The following MTMR7 variants were observed in gnomAD, a reference collection of about 807,000 sequenced individuals.
The protein encoded by MTMR7 is phosphatidylinositol-3-phosphate phosphatase MTMR7.
Under a neutral mutation model 81.2 loss-of-function variants are expected in MTMR7, and 76 were observed. That is an observed-to-expected ratio of 0.94 (90% CI 0.78 to 1.13). The LOEUF (loss-of-function observed/expected upper bound fraction) is 1.13. Ranked by LOEUF, MTMR7 falls within the 50% of genes most tolerant of loss-of-function variation. The pLI is 0.00. For missense variants in MTMR7, 1,044 were observed against 820.0 expected, an observed-to-expected ratio of 1.27 and a Z score of -3.34; for synonymous variants, 372 against 289.8, an observed-to-expected ratio of 1.28 and a Z score of -2.88.
At chr8:17,300,402 C>G in intron 13 of MTMR7, 178 bp from the exon 14 acceptor site, 2 of 632,710 alleles carry the variant, frequency 3.2e-6, no homozygotes, top group Non-Finnish European at 5.4e-6. Context: ...GTGAGGCCTG[C>G]TTTATCTCTA....
At chr8:17,328,683 G>GCA (rs1232186890) in intron 7 of MTMR7, among the ~76,000 whole-genome samples, 5 of 152,006 alleles carry the variant, frequency 3.3e-5, no homozygotes, top group African/African-American at 1.2e-4. Context: ...GTTCACTTAT[G>GCA]TACATCCTGC....
intron 7 of MTMR7, among the ~76,000 whole-genome samples, chr8:17,318,961 C>G (rs762951354): frequency 6.6e-6 from 1 of 152,260 alleles, no homozygotes; most frequent in African/African-American, 2.4e-5. Flanking sequence ...TCCTGCTTCC[C>G]TGATCGAACT....
At chr8:17,301,546 G>A (rs1391360195) in intron 13 of MTMR7, 1 of 152,214 alleles carries the variant, frequency 6.6e-6, no homozygotes, top group Non-Finnish European at 1.5e-5. Flanking sequence ...AAGGAATTTT[G>A]ACTTTGTAAT....
intron 7 of MTMR7, among the ~76,000 whole-genome samples, chr8:17,315,029 C>T (rs1817988261): frequency 7.9e-6 from 1 of 127,318 alleles, no homozygotes; most frequent in Non-Finnish European, 1.5e-5. Context: ...TATATTAGCC[C>T]TGTGGCCCTT....
intron 1 of MTMR7, among the ~76,000 whole-genome samples, chr8:17,403,026 C>T (rs1821474054): frequency 6.6e-6 from 1 of 152,072 alleles, no homozygotes; most frequent in Non-Finnish European, 1.5e-5. Context: ...CATATACCTG[C>T]CTGCCATTTG....
chr8:17,314,090 A>G (rs2285275), intron 7 of MTMR7, among the ~76,000 whole-genome samples: 29,717 of 152,070 alleles, frequency 0.2, 3,704 homozygotes, highest in East Asian at 0.34. Flanking sequence ...CACCTCTATA[A>G]TATTATAAAC....
At chr8:17,325,785 C>A (rs561317059) in intron 7 of MTMR7, among the ~76,000 whole-genome samples, 157 of 152,288 alleles carry the variant, frequency 1.0e-3, no homozygotes, top group Middle Eastern at 3.4e-3. Flanking sequence ...TGTGCTCTTA[C>A]TTCATGTCTT....
intron 1 of MTMR7, among the ~76,000 whole-genome samples, chr8:17,388,944 G>A (rs1275278418): frequency 6.6e-6 from 1 of 152,150 alleles, no homozygotes; most frequent in Non-Finnish European, 1.5e-5. Context: ...TTACAGTCCG[G>A]CCCTAAAGTG....
At position 17,403,589 on chromosome 8, in the gene MTMR7, A is replaced by AT. The variant is rs528637916; in HGVS notation, c.24+9679dup. ...TTTGTTACTCTATGTAACTTTTATG[A>AT]TTTTTTCTATTTCTGTCAAGAATGG... On this transcript the variant is annotated intron_variant, in intron 1 of 13. Coordinates refer to ENST00000180173, the MANE Select transcript of MTMR7 (RefSeq NM_004686.5). Among the ~76,000 whole-genome samples the AT allele has an allele frequency of 1.1e-4, 16 of 152,026 alleles. No individual in the cohort carries two copies. In the East Asian group the frequency reaches 1.4e-3, roughly 13 times the overall value.
chr8:17,333,018 T>C (rs541094825), intron 6 of MTMR7, among the ~76,000 whole-genome samples: 22 of 151,910 alleles, frequency 1.4e-4, no homozygotes, highest in African/African-American at 4.8e-4. Flanking sequence ...ATAATAGAAA[T>C]AAAGTATATT....
chr8:17,304,487 T>C lies in MTMR7; in HGVS notation c.1385A>G (p.His462Arg), dbSNP rs2150468238. 1 of 1,613,986 alleles carries C rather than the reference T, an allele frequency of 6.2e-7. No homozygotes were observed. The highest frequency in any genetic ancestry group is 8.5e-7 in the Non-Finnish European group (1 of 1,179,916). Reference sequence around the variant, plus strand: ...GTAGTCGGCCCGATTCTTCCACAGGTGAGCCCATAATGAGTATGTTCTTTC... The same window carrying C: ...GTAGTCGGCCCGATTCTTCCACAGGCGAGCCCATAATGAGTATGTTCTTTC... ...IQERTYSLWA[H>R]LWKNRADYLN... The change falls in exon 12 of 14, where the codon CAC becomes CGC. Residue 462 changes from histidine (H) to arginine (R), a missense_variant. Physicochemically the swap from His to Arg is conservative, Grantham distance 29 (BLOSUM62 0). Transcript: ENST00000180173.
At chr8:17,406,655 G>C (rs147814167) in intron 1 of MTMR7, among the ~76,000 whole-genome samples, 4 of 152,118 alleles carry the variant, frequency 2.6e-5, no homozygotes, top group Non-Finnish European at 4.4e-5. Flanking sequence ...TTCTATCCAA[G>C]AGAAATACAA....
intron 7 of MTMR7, among the ~76,000 whole-genome samples, chr8:17,328,267 G>T (rs1042734759): frequency 4.6e-5 from 7 of 152,098 alleles, no homozygotes; most frequent in African/African-American, 1.7e-4. Context: ...AACAAGTGGA[G>T]AGATGCAAGT....
intron 1 of MTMR7, among the ~76,000 whole-genome samples, chr8:17,385,057 T>C (rs1820887828): frequency 6.6e-6 from 1 of 152,216 alleles, no homozygotes; most frequent in Non-Finnish European, 1.5e-5. Context: ...ATGCAAAGAA[T>C]CCTATTCTCA....
chr8:17,396,796 C>T (rs568451915), intron 1 of MTMR7, among the ~76,000 whole-genome samples: 10 of 151,902 alleles, frequency 6.6e-5, no homozygotes, highest in Non-Finnish European at 1.2e-4. Flanking sequence ...CCAGGCAGTG[C>T]CTCTGGAAGT....
intron 4 of MTMR7, among the ~76,000 whole-genome samples, chr8:17,360,913 G>C (rs982548950): frequency 2.6e-5 from 4 of 152,098 alleles, no homozygotes; most frequent in Admixed American, 2.0e-4. Context: ...GTCTGGAAGG[G>C]GTGATCTGTA....
chr8:17,302,866 C>A (rs1280730198), intron 12 of MTMR7, among the ~76,000 whole-genome samples: 1 of 151,850 alleles, frequency 6.6e-6, no homozygotes, highest in Non-Finnish European at 1.5e-5. Flanking sequence ...GCATGCACCA[C>A]CATGCCTAAT....
Position 17,309,141 on chromosome 8 carries a change from A to T in MTMR7, c.1151+136T>A, listed in dbSNP as rs1817649839. 1.3e-5 allele frequency: 8 copies of T among 634,826 alleles called. 1 individual carries two copies. Among genetic ancestry groups the T allele is most frequent in the Non-Finnish European group, 2.2e-5 (8 of 356,122 alleles). The allele number at this position is 634,826 out of a possible 1,614,324, so 39.3% of individuals were successfully genotyped here. A position where few individuals can be genotyped will look rare whatever the true frequency, so the allele number is the denominator to read the frequency against. ...TTCATTTATCTATGATATGACATAT[A>T]CAACAAAATTTAAGCTTTCTGAATA... On this transcript the variant is annotated intron_variant, in intron 10 of 13. Coordinates refer to ENST00000180173, the MANE Select transcript of MTMR7 (RefSeq NM_004686.5).
intron 7 of MTMR7, among the ~76,000 whole-genome samples, chr8:17,330,411 G>A (rs991047164): frequency 6.6e-6 from 1 of 152,182 alleles, no homozygotes; most frequent in Non-Finnish European, 1.5e-5. Flanking sequence ...TTCCCAGTTC[G>A]CAGAGCCGGA....
Sources: allele counts gnomAD v4.1 joint callset (sites outside exome capture counted in the v4.1 genomes callset), GRCh38; gene constraint gnomAD v4.1.1; transcripts MANE v1.5; gene names NCBI Gene and HGNC (gene_info 2026-07-23, HGNC 2026-07-21).